The following TRIM63 variants were observed in gnomAD, a reference collection of about 807,000 sequenced individuals.
TRIM63 encodes the protein E3 ubiquitin-protein ligase TRIM63.
In TRIM63, 48 loss-of-function variants were observed where a neutral mutation model predicts 46.0. That is an observed-to-expected ratio of 1.04 (90% CI 0.83 to 1.33). The LOEUF (loss-of-function observed/expected upper bound fraction) is 1.33. TRIM63 is among the 40% of genes most tolerant of loss of function. The pLI is 0.00. For synonymous variants in TRIM63, 175 were observed against 162.8 expected (o/e 1.08, Z -0.57); for missense variants, 455 against 441.2 (o/e 1.03, Z -0.28).
intron 2 of TRIM63, 77 bp downstream of exon 2, chr1:26,066,191 G>T (rs763866543): frequency 2.6e-6 from 4 of 1,516,112 alleles, no homozygotes; most frequent in Non-Finnish European, 2.7e-6. Flanking sequence ...AGATGAAGGA[G>T]GGGGAAGGAG....
intron 2 of TRIM63, 24 bp downstream of exon 2, chr1:26,066,244 C>T: frequency 6.2e-7 from 1 of 1,612,460 alleles, no homozygotes; most frequent in East Asian, 2.2e-5. Context: ...GGAGGGCGGG[C>T]CCCCAGCAGG....
chr1:26,051,805 G>T lies in TRIM63; in HGVS notation c.*68C>A. On this transcript the variant is annotated 3_prime_UTR_variant, in exon 9 of 9. Transcript: ENST00000374272. ...CCTCCCACCCTGGGCCTGTCACCAA[G>T]GCCGCTGGGCCCCTCCCCACCCTCT... The T allele has an allele frequency of 2.0e-5, 6 of 293,338 alleles. No individual in the cohort carries two copies. The highest frequency in any genetic ancestry group is 3.8e-5 in the Non-Finnish European group (6 of 157,988). 18.2% of individuals were successfully genotyped at this position (293,338 alleles called of 1,614,324 possible). A position where few individuals can be genotyped will look rare whatever the true frequency, so the allele number is the denominator to read the frequency against.
intron 8 of TRIM63, among the ~76,000 whole-genome samples, chr1:26,052,971 G>GTGTC (rs773633361): frequency 4.6e-5 from 7 of 152,252 alleles, no homozygotes; most frequent in Middle Eastern, 3.4e-3. Context: ...AGACAGTGTA[G>GTGTC]TGTCCTCTGT....
In TRIM63 at chr1:26,057,234, T is replaced by C. The variant is rs374143485; in HGVS notation, c.948A>G (p.Ala316=). 1.2e-6 allele frequency: 2 copies of C among 1,614,218 alleles called. No homozygotes were observed. Among genetic ancestry groups the C allele is most frequent in the Non-Finnish European group, 1.7e-6 (2 of 1,180,026 alleles). Residue 316 remains alanine (A), a synonymous_variant, in exon 7 of 9, where the codon GCA becomes GCG. Coordinates refer to ENST00000374272, the MANE Select transcript of TRIM63 (RefSeq NM_032588.4). The stretch of plus-strand genomic sequence containing the variant: ...CAAAGTCAATGGCTCTCAGGGCGTC[T>C]GCTATGTGCTCTAAATCCAAAGTAA... ...DFFTLDLEHI[A]DALRAIDFGT... is the part of the protein sequence containing the mutation.
intron 1 of TRIM63, 89 bp downstream of exon 1, chr1:26,067,247 A>C (rs925653181): frequency 6.7e-7 from 1 of 1,487,304 alleles, no homozygotes; most frequent in African/African-American, 1.4e-5. Flanking sequence ...GAGGCTGTCC[A>C]GGTTGGAAGT....
At chr1:26,057,095 GGGGAT>G in intron 7 of TRIM63, 103 bp downstream of exon 7, 1 of 1,389,130 alleles carries the variant, frequency 7.2e-7, no homozygotes, top group Non-Finnish European at 9.8e-7. Context: ...ATTGATATTT[GGGGAT>G]CTTTATTAGT....
intron 2 of TRIM63, among the ~76,000 whole-genome samples, chr1:26,061,889 A>C (rs1405954290): frequency 1.3e-5 from 2 of 152,224 alleles, no homozygotes; most frequent in Non-Finnish European, 2.9e-5. Flanking sequence ...CAAGGTAGGG[A>C]AACTTGCCTG....
At position 26,057,638 on chromosome 1, in the gene TRIM63, G is replaced by T. The variant is rs779450347; in HGVS notation, c.844C>A (p.Leu282Ile). 3 of 1,610,418 alleles carry T rather than the reference G, an allele frequency of 1.9e-6. No homozygotes were observed. The highest frequency in any genetic ancestry group is 2.5e-6 in the Non-Finnish European group (3 of 1,178,420). Residue 282 changes from leucine (L) to isoleucine (I), a missense_variant, in exon 6 of 9, where the codon CTC (leucine) becomes ATC (isoleucine). By Grantham distance (5) the Leu-to-Ile change is conservative (BLOSUM62 2). Coordinates refer to ENST00000374272, the MANE Select transcript of TRIM63 (RefSeq NM_032588.4). ...GATFLLTAKQLIKSIVEASKG... is the reference protein window; with the variant it reads ...GATFLLTAKQIIKSIVEASKG... ...TAGGAAGACACTGACCTTTTGATGA[G>T]TTGCTTGGCAGTCTGCAGGGGGAGA...
In TRIM63 at chr1:26,060,516, C is replaced by G. The variant is rs114695735; in HGVS notation, c.502-155G>C. Among the ~76,000 whole-genome samples, 522 of 152,214 alleles carry G rather than the reference C, an allele frequency of 3.4e-3. 5 individuals are homozygous for G. Among genetic ancestry groups the G allele is most frequent in the African/African-American group, 0.012 (481 of 41,518 alleles). ...CCCCTCTTTCGGGTATAGCTCAGCT[C>G]CAGAGTAGAGGATATTAGAAAGATA... On this transcript the variant is annotated intron_variant, in intron 3 of 8. Transcript: ENST00000374272.
At chr1:26,052,179 C>T (rs1366519587) in intron 8 of TRIM63, among the ~76,000 whole-genome samples, 1 of 152,224 alleles carries the variant, frequency 6.6e-6, no homozygotes, top group East Asian at 1.9e-4. Context: ...TAGCAAACGT[C>T]CTTCCTATGC....
chr1:26,058,323 G>T, intron 5 of TRIM63, 67 bp downstream of exon 5: 1 of 1,404,222 alleles, frequency 7.1e-7, no homozygotes, highest in Non-Finnish European at 1.0e-6. Flanking sequence ...CAGTGGGGAA[G>T]CATAACTTGA....
chr1:26,067,579 C>T lies in TRIM63; in HGVS notation c.-85G>A. On this transcript the variant is annotated 5_prime_UTR_variant, in exon 1 of 9. In the 5' UTR this introduces an upstream ATG that the reference lacks. Transcript: ENST00000374272. ...AGACCTGGGGGTCTTGCCTTTGTCA[C>T]AAAACACCGGGTCGGATCCTGTTGG... 6.7e-7 allele frequency: 1 copy of T among 1,485,958 alleles called. No individual in the cohort carries two copies. The highest frequency in any genetic ancestry group is 9.1e-7 in the Non-Finnish European group (1 of 1,099,014). 92.0% of individuals were successfully genotyped at this position (1,485,958 alleles called of 1,614,324 possible). A position where few individuals can be genotyped will look rare whatever the true frequency, so the allele number is the denominator to read the frequency against.
At chr1:26,066,845 G>A (rs879209019) in intron 1 of TRIM63, among the ~76,000 whole-genome samples, 1 of 151,218 alleles carries the variant, frequency 6.6e-6, no homozygotes, top group Non-Finnish European at 1.5e-5. Flanking sequence ...TCCCAGCCAG[G>A]ACATCTACCC....
At chr1:26,057,396 T>G (rs1569732410) in intron 6 of TRIM63, 69 bp from the exon 7 acceptor site, 1 of 1,578,700 alleles carries the variant, frequency 6.3e-7, no homozygotes, top group African/African-American at 1.4e-5. Flanking sequence ...AGAGGGCACA[T>G]GCTTTGCCAC....
intron 2 of TRIM63, among the ~76,000 whole-genome samples, chr1:26,065,239 G>C (rs901877200): frequency 6.6e-6 from 1 of 151,906 alleles, no homozygotes; most frequent in Non-Finnish European, 1.5e-5. Context: ...GGCCAGTCTG[G>C]TCTCCAACTC....
At chr1:26,061,412 C>T in intron 2 of TRIM63, 78 bp from the exon 3 acceptor site, 1 of 1,504,016 alleles carries the variant, frequency 6.6e-7, no homozygotes, top group Middle Eastern at 1.8e-4. Flanking sequence ...GCACCAGTCG[C>T]AGCTACTGGG....
At position 26,057,225 on chromosome 1, in the gene TRIM63, C is replaced by T; in HGVS notation, c.957G>A (p.Leu319=). Residue 319 remains leucine, a synonymous_variant, in exon 7 of 9, where the codon CTG becomes CTA. Transcript: ENST00000374272. ...TACCTGTCCCAAAGTCAATGGCTCTCAGGGCGTCTGCTATGTGCTCTAAAT... is the reference window on the plus strand; with the variant it reads ...TACCTGTCCCAAAGTCAATGGCTCTTAGGGCGTCTGCTATGTGCTCTAAAT... ...TLDLEHIADA[L]RAIDFGTDEE... 1 of 1,614,194 alleles carries T rather than the reference C, an allele frequency of 6.2e-7. No homozygotes were observed. The highest frequency in any genetic ancestry group is 8.5e-7 in the Non-Finnish European group (1 of 1,180,034).
intron 1 of TRIM63, 47 bp from the exon 2 acceptor site, chr1:26,066,487 C>T (rs1260059730): frequency 4.7e-6 from 7 of 1,479,438 alleles, no homozygotes; most frequent in Middle Eastern, 1.8e-4. Flanking sequence ...CCTACTTAGC[C>T]CTTCTCTTTT....
intron 2 of TRIM63, among the ~76,000 whole-genome samples, chr1:26,063,828 T>C (rs1285864058): frequency 6.6e-6 from 1 of 152,220 alleles, no homozygotes; most frequent in Non-Finnish European, 1.5e-5. Flanking sequence ...GTCATTCAAC[T>C]ATGCGGAAAG....
Sources: gnomAD v4.1 joint callset for allele counts (sites outside exome capture counted in the v4.1 genomes callset) on GRCh38, gnomAD v4.1.1 for gene constraint, MANE v1.5 for transcripts, NCBI Gene and HGNC (gene_info 2026-07-23, HGNC 2026-07-21) for gene names.